CPNE8: variants seen among roughly 807,000 people sequenced by gnomAD.
CPNE8 encodes copine-8.
Under a neutral mutation model 81.5 loss-of-function variants are expected in CPNE8, and 45 were observed. The observed-to-expected ratio is 0.55, with a 90% CI of 0.44 to 0.71. The LOEUF (loss-of-function observed/expected upper bound fraction) is 0.71. Among genes scored for constraint, CPNE8 ranks in the 30% least tolerant of loss-of-function variants. The pLI is 0.00. For missense variants in CPNE8, 594 were observed against 672.1 expected, an observed-to-expected ratio of 0.88 and a Z score of 1.28; for synonymous variants, 252 against 226.3, an observed-to-expected ratio of 1.11 and a Z score of -1.02.
chr12:38,896,946 T>C (rs1039101894), intron 1 of CPNE8, among the ~76,000 whole-genome samples: 1 of 152,122 alleles, frequency 6.6e-6, no homozygotes, highest in Non-Finnish European at 1.5e-5. Flanking sequence ...AGTTAGTGCT[T>C]TTCTTGTGAC....
At chr12:38,899,944 A>G (rs1177543720) in intron 1 of CPNE8, among the ~76,000 whole-genome samples, 2 of 152,220 alleles carry the variant, frequency 1.3e-5, no homozygotes, top group East Asian at 3.8e-4. Context: ...CACAGATTTA[A>G]AAAATAGAGA....
At chr12:38,796,206 G>C (rs867421018) in intron 6 of CPNE8, among the ~76,000 whole-genome samples, 1 of 152,134 alleles carries the variant, frequency 6.6e-6, no homozygotes, top group African/African-American at 2.4e-5. Context: ...AGAAGCACTT[G>C]AACTTGGGAG....
At chr12:38,701,751 C>T (rs936257758) in intron 14 of CPNE8, among the ~76,000 whole-genome samples, 1 of 152,142 alleles carries the variant, frequency 6.6e-6, no homozygotes, top group Non-Finnish European at 1.5e-5. Context: ...GCCTCAGCCT[C>T]CCAAAGTGCT....
intron 3 of CPNE8, among the ~76,000 whole-genome samples, chr12:38,855,978 G>A (rs1943726620): frequency 6.6e-6 from 1 of 151,740 alleles, no homozygotes; most frequent in African/African-American, 2.4e-5. Flanking sequence ...TTTAAAAAGA[G>A]AGAAATCACA....
At chr12:38,865,933 T>C (rs1444721936) in intron 3 of CPNE8, among the ~76,000 whole-genome samples, 3 of 152,222 alleles carry the variant, frequency 2.0e-5, no homozygotes, top group Non-Finnish European at 4.4e-5. Flanking sequence ...GTAACTTATA[T>C]TAACCCACAG....
chr12:38,660,699 T>G (rs1938932287), intron 19 of CPNE8, among the ~76,000 whole-genome samples: 1 of 151,994 alleles, frequency 6.6e-6, no homozygotes, highest in Admixed American at 6.6e-5. Flanking sequence ...GGGAGAAAAT[T>G]TTTGCAATCT....
At chr12:38,679,639 A>C in intron 16 of CPNE8, 3 of 985,030 alleles carry the variant, frequency 3.0e-6, no homozygotes, top group Non-Finnish European at 2.4e-6. Context: ...ACCACAAATT[A>C]ATCTTTTAAA....
At chr12:38,753,104 TTTA>T (rs1941385399) in intron 10 of CPNE8, among the ~76,000 whole-genome samples, 2 of 152,182 alleles carry the variant, frequency 1.3e-5, no homozygotes, top group African/African-American at 2.4e-5. Flanking sequence ...AATTTCATAA[TTTA>T]AAATAAAGGG....
intron 19 of CPNE8, among the ~76,000 whole-genome samples, chr12:38,654,363 A>C (rs1273803475): frequency 6.6e-6 from 1 of 151,772 alleles, no homozygotes; most frequent in African/African-American, 2.4e-5. Context: ...TGAAAATACA[A>C]AATTAGCTGG....
At chr12:38,882,567 C>G (rs1944177418) in intron 1 of CPNE8, among the ~76,000 whole-genome samples, 1 of 152,184 alleles carries the variant, frequency 6.6e-6, no homozygotes, top group Non-Finnish European at 1.5e-5. Flanking sequence ...AACCTCTCCT[C>G]CAAGCAAGAC....
chr12:38,904,832 A>G (rs1397630358), intron 1 of CPNE8, among the ~76,000 whole-genome samples: 3 of 152,104 alleles, frequency 2.0e-5, no homozygotes, highest in Admixed American at 6.5e-5. Flanking sequence ...AATCAAAACA[A>G]AAGTCGTGAC....
intron 14 of CPNE8, among the ~76,000 whole-genome samples, chr12:38,701,128 C>G (rs796422038): frequency 3.3e-5 from 5 of 152,104 alleles, no homozygotes; most frequent in Non-Finnish European, 2.9e-5. Flanking sequence ...ATAATATTAA[C>G]CTCACAAAAT....
intron 3 of CPNE8, among the ~76,000 whole-genome samples, chr12:38,856,951 A>G (rs1438108892): frequency 1.3e-5 from 2 of 151,948 alleles, no homozygotes; most frequent in East Asian, 1.9e-4. Flanking sequence ...GCACTATACT[A>G]TGAGTATCAG....
intron 6 of CPNE8, among the ~76,000 whole-genome samples, chr12:38,788,702 T>C (rs1482371943): frequency 6.6e-6 from 1 of 151,774 alleles, no homozygotes; most frequent in Non-Finnish European, 1.5e-5. Flanking sequence ...TATGGTCTTA[T>C]ATTTAGAAAA....
intron 3 of CPNE8, among the ~76,000 whole-genome samples, chr12:38,854,932 C>T (rs1368256772): frequency 6.6e-6 from 1 of 151,978 alleles, no homozygotes; most frequent in Non-Finnish European, 1.5e-5. Context: ...AAATAAAAGG[C>T]ATGCAAATTG....
chr12:38,699,568 T>C (rs1939884947), intron 14 of CPNE8, among the ~76,000 whole-genome samples: 1 of 152,038 alleles, frequency 6.6e-6, no homozygotes, highest in Non-Finnish European at 1.5e-5. Flanking sequence ...TACCCTTCCT[T>C]CCTTCTTTCC....
intron 6 of CPNE8, among the ~76,000 whole-genome samples, chr12:38,781,862 T>A (rs758350396): frequency 1.3e-5 from 2 of 152,056 alleles, no homozygotes; most frequent in Non-Finnish European, 2.9e-5. Context: ...AATGCAAATT[T>A]AGGGACATTC....
intron 6 of CPNE8, among the ~76,000 whole-genome samples, chr12:38,793,701 GAAAT>G (rs1832253248): frequency 1.3e-5 from 2 of 150,768 alleles, no homozygotes; most frequent in Non-Finnish European, 3.0e-5. Context: ...TTTTTTTGCA[GAAAT>G]AAATAGAAAA....
At chr12:38,768,167 G>A (rs1229052513) in intron 7 of CPNE8, among the ~76,000 whole-genome samples, 1 of 151,240 alleles carries the variant, frequency 6.6e-6, no homozygotes, top group Non-Finnish European at 1.5e-5. Flanking sequence ...AGATGTACTA[G>A]ATGATTAGAT....
Sources: allele counts gnomAD v4.1 joint callset (sites outside exome capture counted in the v4.1 genomes callset), GRCh38; gene constraint gnomAD v4.1.1; transcripts MANE v1.5; gene names NCBI Gene and HGNC (gene_info 2026-07-23, HGNC 2026-07-21).